SND1: variants seen among roughly 807,000 people sequenced by gnomAD.
SND1 encodes the protein staphylococcal nuclease domain-containing protein 1.
Under a neutral mutation model 121.7 loss-of-function variants are expected in SND1, and 38 were observed. That is an observed-to-expected ratio of 0.31 (90% CI 0.24 to 0.41). The LOEUF is 0.41. SND1 is among the 10% of genes least tolerant of loss of function. SND1 has a pLI of 1.00. For synonymous variants in SND1, 401 were observed against 447.4 expected (o/e 0.90, Z 1.31); for missense variants, 868 against 1,184.6 (o/e 0.73, Z 3.92).
chr7:127,833,975 T>G (rs555324051), intron 11 of SND1, among the ~76,000 whole-genome samples: 6 of 152,292 alleles, frequency 3.9e-5, no homozygotes, highest in African/African-American at 1.4e-4. Flanking sequence ...AGTAAGTTTT[T>G]TTTTTGTGAC....
intron 14 of SND1, among the ~76,000 whole-genome samples, chr7:127,916,008 G>A (rs1205008091): frequency 7.0e-5 from 9 of 129,454 alleles, no homozygotes; most frequent in Non-Finnish European, 1.3e-4. Flanking sequence ...GTGTGTGTGT[G>A]TGTGTGTGTG....
At chr7:128,007,720 A>G (rs899087370) in intron 16 of SND1, among the ~76,000 whole-genome samples, 1 of 152,240 alleles carries the variant, frequency 6.6e-6, no homozygotes, top group Non-Finnish European at 1.5e-5. Flanking sequence ...GGTTAGAAAA[A>G]TTTAGGAATG....
intron 16 of SND1, among the ~76,000 whole-genome samples, chr7:128,070,058 T>C (rs1181248335): frequency 2.6e-5 from 4 of 152,238 alleles, no homozygotes; most frequent in Non-Finnish European, 4.4e-5. Flanking sequence ...CAAGAGATGC[T>C]GGCAGACCAG....
chr7:127,701,406 C>G lies in SND1; in HGVS notation c.589+83C>G, dbSNP rs1371725277. 4.3e-6 allele frequency: 6 copies of G among 1,395,820 alleles called. No homozygotes were observed. The East Asian group carries it at 1.4e-4, about 32-fold the overall frequency. 86.5% of individuals were successfully genotyped at this position (1,395,820 alleles called of 1,614,324 possible). A position where few individuals can be genotyped will look rare whatever the true frequency, so the allele number is the denominator to read the frequency against. ...CTTTGCTTCTTGAGGTTTGTAAAAT[C>G]TAGTAAGCCTTTCTTATACTTATTT... On this transcript the variant is annotated intron_variant, in intron 5 of 23. Transcript: ENST00000354725.
chr7:127,993,538 G>A (rs1482272962), intron 16 of SND1, among the ~76,000 whole-genome samples: 13 of 152,224 alleles, frequency 8.5e-5, no homozygotes, highest in Non-Finnish European at 1.8e-4. Flanking sequence ...CACAGTGCAC[G>A]ACAGTGCAGG....
intron 10 of SND1, among the ~76,000 whole-genome samples, chr7:127,729,364 T>G (rs1796633785): frequency 6.6e-6 from 1 of 151,958 alleles, no homozygotes; most frequent in African/African-American, 2.4e-5. Context: ...CAATTAGAGA[T>G]CTCTCCCTTC....
intron 9 of SND1, among the ~76,000 whole-genome samples, chr7:127,715,133 A>G (rs1245952061): frequency 1.4e-5 from 2 of 145,284 alleles, no homozygotes; most frequent in African/African-American, 2.5e-5. Flanking sequence ...CCTCACCAAC[A>G]TTTGTTATTT....
intron 11 of SND1, among the ~76,000 whole-genome samples, chr7:127,812,094 AG>A (rs1798344997): frequency 6.6e-6 from 1 of 152,200 alleles, no homozygotes; most frequent in Admixed American, 6.5e-5. Context: ...CCCACAGAAA[AG>A]TACTTTACTC....
At chr7:127,933,618 C>T (rs1170718590) in intron 15 of SND1, among the ~76,000 whole-genome samples, 3 of 152,264 alleles carry the variant, frequency 2.0e-5, no homozygotes, top group Non-Finnish European at 2.9e-5. Context: ...TCATGATTGT[C>T]GCAGTTTAAT....
chr7:127,672,499 A>G (rs1562973545), intron 1 of SND1, among the ~76,000 whole-genome samples: 1 of 151,962 alleles, frequency 6.6e-6, no homozygotes, highest in Admixed American at 6.6e-5. Context: ...AGTCCCAGCT[A>G]CTACTCGGGG....
chr7:127,833,016 A>G (rs1292633977), intron 11 of SND1, among the ~76,000 whole-genome samples: 1 of 152,210 alleles, frequency 6.6e-6, no homozygotes. Flanking sequence ...GTCTTCTACA[A>G]AATCGGTCCC....
chr7:127,717,798 G>T (rs776003849), intron 9 of SND1, among the ~76,000 whole-genome samples: 4 of 152,190 alleles, frequency 2.6e-5, no homozygotes, highest in Non-Finnish European at 5.9e-5. Flanking sequence ...TGGTGGTTAT[G>T]TCCACAGCTC....
intron 16 of SND1, chr7:127,998,240 A>G: frequency 3.2e-6 from 1 of 317,258 alleles, no homozygotes; most frequent in Non-Finnish European, 6.3e-6. Context: ...GGTGGGAGGA[A>G]AACTGTTGAA....
At chr7:127,764,303 T>G (rs1425674082) in intron 10 of SND1, among the ~76,000 whole-genome samples, 1 of 152,238 alleles carries the variant, frequency 6.6e-6, no homozygotes, top group African/African-American at 2.4e-5. Flanking sequence ...CTGTGGCCAT[T>G]CCCACACATT....
intron 17 of SND1, among the ~76,000 whole-genome samples, chr7:128,079,071 G>A (rs1469808241): frequency 4.6e-5 from 7 of 152,236 alleles, no homozygotes; most frequent in South Asian, 2.1e-4. Flanking sequence ...CTCTGAGGCC[G>A]AGTGAGTCCC....
In SND1 at chr7:127,715,463, C is replaced by G. The variant is rs1252217391; in HGVS notation, c.1039-5824C>G. On this transcript the variant is annotated intron_variant, in intron 9 of 23. Coordinates refer to ENST00000354725, the MANE Select transcript of SND1 (RefSeq NM_014390.4). ...CAATAGGAAGTTTTTCAGCCCTGGT[C>G]CCCTCCCTTACTCTCCCCCAGCTCT... Among the ~76,000 whole-genome samples, 5 of 152,102 alleles carry G rather than the reference C, an allele frequency of 3.3e-5. No homozygotes were observed. In the East Asian group the frequency reaches 7.7e-4, roughly 23 times the overall value.
chr7:127,667,113 A>T (rs1444318422), intron 1 of SND1, among the ~76,000 whole-genome samples: 1 of 152,202 alleles, frequency 6.6e-6, no homozygotes, highest in Admixed American at 6.5e-5. Context: ...CATGCTTCTC[A>T]TGAGTATCAT....
chr7:127,990,396 G>A (rs973596192), intron 15 of SND1, among the ~76,000 whole-genome samples: 6 of 152,118 alleles, frequency 3.9e-5, no homozygotes, highest in Non-Finnish European at 7.4e-5. Flanking sequence ...ATGAAAAGCC[G>A]ATGATACTAT....
chr7:127,832,108 A>G (rs1798752149), intron 11 of SND1, among the ~76,000 whole-genome samples: 1 of 152,238 alleles, frequency 6.6e-6, no homozygotes, highest in Admixed American at 6.5e-5. Context: ...CAGTATTGGT[A>G]ATATGTAGGT....
Sources: gnomAD v4.1 joint callset for allele counts (sites outside exome capture counted in the v4.1 genomes callset) on GRCh38, gnomAD v4.1.1 for gene constraint, MANE v1.5 for transcripts, NCBI Gene and HGNC (gene_info 2026-07-23, HGNC 2026-07-21) for gene names.